The following RUBCN variants were observed in gnomAD, a reference collection of about 807,000 sequenced individuals.
RUBCN encodes the protein run domain Beclin-1-interacting and cysteine-rich domain-containing protein.
A neutral mutation model predicts 113.2 loss-of-function variants in RUBCN; 74 were observed. The ratio of observed to expected loss-of-function variants is 0.65; its 90% CI spans 0.54 to 0.79. The LOEUF (loss-of-function observed/expected upper bound fraction) is 0.79. RUBCN is among the 30% of genes least tolerant of loss of function. The pLI, the probability that RUBCN is intolerant of heterozygous loss-of-function variation, is 0.00. For missense variants in RUBCN, 1,109 were observed against 1,251.7 expected (o/e 0.89, Z 1.72); for synonymous variants, 480 against 490.0 (o/e 0.98, Z 0.27).
rs536601157 is a variant in RUBCN at position 197,700,932 on chromosome 3, G to A, written c.942C>T (p.Ser314=). The A allele has an allele frequency of 3.1e-6, 5 of 1,614,184 alleles. No individual in the cohort carries two copies. The Admixed American group carries it at 5.0e-5, about 16-fold the overall frequency. The stretch of plus-strand genomic sequence containing the variant: ...CAGGCCCCTCACTGGCATCACCTGG[G>A]GAATCATTCTGGCTGCTGACCCAGG... The part of the protein sequence containing the change: ...EASWVSSQND[S]PGDASEGPEY... Residue 314 remains serine (S), a synonymous_variant, in exon 7 of 20, where the codon TCC becomes TCT. Transcript: ENST00000296343.
rs941647895 is a variant in RUBCN at position 197,670,547 on chromosome 3, C to T, written c.*4471G>A. Reference sequence around the variant, plus strand: ...TCAAGCTTTGGCTTCCTGTGAACTACACCAGTTTGTAACAATGAACAAAAG... The same window carrying T: ...TCAAGCTTTGGCTTCCTGTGAACTATACCAGTTTGTAACAATGAACAAAAG... On this transcript the variant is annotated 3_prime_UTR_variant, in exon 20 of 20. Transcript: ENST00000296343. 2.0e-5 allele frequency among the ~76,000 whole-genome samples: 3 copies of T among 152,214 alleles called. No homozygotes were observed. Among genetic ancestry groups the T allele is most frequent in the African/African-American group, 7.2e-5 (3 of 41,466 alleles).
intron 11 of RUBCN, among the ~76,000 whole-genome samples, chr3:197,684,741 C>A (rs570756495): frequency 2.5e-4 from 38 of 151,570 alleles, no homozygotes; most frequent in African/African-American, 9.2e-4. Flanking sequence ...TATATATACA[C>A]ACACGTATAT....
chr3:197,735,019 TCA>T (rs771508379), intron 1 of RUBCN, among the ~76,000 whole-genome samples: 1 of 152,244 alleles, frequency 6.6e-6, no homozygotes, highest in Non-Finnish European at 1.5e-5. Flanking sequence ...TGATATTTTC[TCA>T]GAGGTAAATA....
At position 197,701,052 on chromosome 3, in the gene RUBCN, T is replaced by C. The variant is rs191663566; in HGVS notation, c.822A>G (p.Gln274=). 137 of 1,613,500 alleles carry C rather than the reference T, an allele frequency of 8.5e-5. No individual in the cohort carries two copies. The African/African-American group carries it at 1.6e-3, about 19-fold the overall frequency. Reference sequence around the variant, plus strand: ...GTGCAGAGACTGAAACTGGGGGGGCTTGGATGGTTTGATCCTCTGCTGGTG... The same window carrying C: ...GTGCAGAGACTGAAACTGGGGGGGCCTGGATGGTTTGATCCTCTGCTGGTG... ...HVSPAEDQTI[Q]APPVSVSALA... is the part of the protein sequence containing the mutation. Residue 274 remains glutamine, a synonymous_variant, in exon 7 of 20, where the codon CAA becomes CAG. Coordinates refer to ENST00000296343, the MANE Select transcript of RUBCN (RefSeq NM_014687.4).
intron 1 of RUBCN, among the ~76,000 whole-genome samples, chr3:197,720,580 G>C (rs1488437773): frequency 6.6e-6 from 1 of 152,038 alleles, no homozygotes; most frequent in Non-Finnish European, 1.5e-5. Context: ...GCTAATTTTT[G>C]TATTTTTAGT....
At chr3:197,699,396 GACCCATATT>G (rs762941695) in intron 7 of RUBCN, among the ~76,000 whole-genome samples, 8 of 152,214 alleles carry the variant, frequency 5.3e-5, no homozygotes, top group Non-Finnish European at 1.0e-4. Context: ...AGCTGTGCGT[GACCCATATT>G]TCCTCAGATC....
rs1044924854 is a variant in RUBCN at position 197,700,353 on chromosome 3, C to T, written c.1261+260G>A. 6 of 560,764 alleles carry T rather than the reference C, an allele frequency of 1.1e-5. No homozygotes were observed. The Admixed American group carries it at 2.0e-4, about 19-fold the overall frequency. The allele number at this position is 560,764 out of a possible 1,614,324, so 34.7% of individuals were successfully genotyped here. On this transcript the variant is annotated intron_variant, in intron 7 of 19. Coordinates refer to ENST00000296343, the MANE Select transcript of RUBCN (RefSeq NM_014687.4). ...TTGAAAACTCGCACTATGAGTCACG[C>T]TATCCTCTGATGTTACCAAACTAGT... is the stretch of plus-strand genomic sequence containing the variant.
At chr3:197,719,598 G>A (rs1033561693) in intron 1 of RUBCN, among the ~76,000 whole-genome samples, 1 of 151,792 alleles carries the variant, frequency 6.6e-6, no homozygotes, top group Non-Finnish European at 1.5e-5. Flanking sequence ...GAAACTTTGA[G>A]CATTCAGATC....
At chr3:197,728,801 G>A (rs1447763065) in intron 1 of RUBCN, among the ~76,000 whole-genome samples, 1 of 152,204 alleles carries the variant, frequency 6.6e-6, no homozygotes, top group Non-Finnish European at 1.5e-5. Context: ...CTCTAACAGA[G>A]AGGGGTGCCT....
In RUBCN at chr3:197,675,138, C is replaced by T. The variant is rs1188117482; in HGVS notation, c.2799G>A (p.Glu933=). Residue 933 remains glutamate (E), a synonymous_variant, in exon 20 of 20, where the codon GAG becomes GAA. Transcript: ENST00000296343. This position sits in a 1 kb window ranked among gnomAD's most constrained non-coding sequence, Gnocchi z 4.4. ...GTGCCTCCCGCCGGGCCTGCAGCCG[C>T]TCGCAGCGCGGACAGCTTCCAGACT... is the stretch of plus-strand genomic sequence containing the variant. ...CFKSGSCPRC[E]RLQARREALA... The T allele has an allele frequency of 1.9e-6, 3 of 1,613,940 alleles. No homozygotes were observed. The African/African-American group carries it at 4.0e-5, about 22-fold the overall frequency.
chr3:197,721,107 CATG>C (rs1726112355), intron 1 of RUBCN, among the ~76,000 whole-genome samples: 1 of 152,140 alleles, frequency 6.6e-6, no homozygotes, highest in Non-Finnish European at 1.5e-5. Flanking sequence ...GCTTTGGTAT[CATG>C]ATAATGTTGG....
rs1040725164 is a variant in RUBCN, at chr3:197,731,809, C to A, written c.65+4846G>T. On this transcript the variant is annotated intron_variant, in intron 1 of 19. Transcript: ENST00000296343. ...TGGCCGGGCGGGGGGCTGACCCCCC[C>A]ACCTCCCTCCGGGACAGGGCGGCTG... 5.9e-5 allele frequency among the ~76,000 whole-genome samples: 9 copies of A among 151,720 alleles called. No individual in the cohort carries two copies. The South Asian group carries it at 1.0e-3, about 18-fold the overall frequency.
intron 2 of RUBCN, among the ~76,000 whole-genome samples, chr3:197,711,093 G>A (rs1049526005): frequency 6.6e-6 from 1 of 152,170 alleles, no homozygotes; most frequent in Non-Finnish European, 1.5e-5. Context: ...CAAAGTACTG[G>A]GATTACAGGC....
chr3:197,691,120 G>T, intron 11 of RUBCN: 1 of 1,289,172 alleles, frequency 7.8e-7, no homozygotes, highest in Non-Finnish European at 1.0e-6. Flanking sequence ...TCTTTGATAT[G>T]TGAGTCAGGT....
At chr3:197,716,579 CTGGCTGTGGT>C (rs759955879) in intron 2 of RUBCN, among the ~76,000 whole-genome samples, 20 of 152,168 alleles carry the variant, frequency 1.3e-4, no homozygotes, top group Non-Finnish European at 2.4e-4. Context: ...GAAAAGCTTC[CTGGCTGTGGT>C]TGGCTAAGAC....
chr3:197,738,319 G>A (rs934175226), upstream of RUBCN, among the ~76,000 whole-genome samples: 1 of 152,180 alleles, frequency 6.6e-6, no homozygotes, highest in Non-Finnish European at 1.5e-5. Flanking sequence ...ACTGACTGTG[G>A]CAAGTGAGGG....
rs1721447464 is a variant in RUBCN, at chr3:197,683,179, A to G, written c.1980+128T>C. On this transcript the variant is annotated intron_variant, in intron 13 of 19. Coordinates refer to ENST00000296343, the MANE Select transcript of RUBCN (RefSeq NM_014687.4). The surrounding 1 kb of genome is among the most constrained non-coding windows in gnomAD (Gnocchi z 4.6). ...TTCATTTATCACTTGACACATTGTA[A>G]TGAATGGCTTCCACGAGTAAGGGGG... 1 of 1,163,216 alleles carries G rather than the reference A, an allele frequency of 8.6e-7. No individual in the cohort carries two copies. The highest frequency in any genetic ancestry group is 1.3e-6 in the Non-Finnish European group (1 of 770,874). 72.1% of individuals were successfully genotyped at this position (1,163,216 alleles called of 1,614,324 possible). A position where few individuals can be genotyped will look rare whatever the true frequency, so the allele number is the denominator to read the frequency against.
At chr3:197,725,940 T>C (rs565831635) in intron 1 of RUBCN, among the ~76,000 whole-genome samples, 32 of 152,238 alleles carry the variant, frequency 2.1e-4, no homozygotes, top group African/African-American at 7.2e-4. Flanking sequence ...TCACACACTA[T>C]TACAAACATG....
At position 197,683,415 on chromosome 3, in the gene RUBCN, C is replaced by A; in HGVS notation, c.1872G>T (p.Thr624=). Residue 624 remains threonine, a synonymous_variant, in exon 13 of 20, where the codon ACG becomes ACT. Coordinates refer to ENST00000296343, the MANE Select transcript of RUBCN (RefSeq NM_014687.4). This position sits in a 1 kb window ranked among gnomAD's most constrained non-coding sequence, Gnocchi z 4.6. ...GCCCCATGGCCACCGCCTCAGCAGA[C>A]GTGGAGTGCAGGAAGCAGTGGGAGC... ...QSFSHCFLHS[T]SAEAVAMGLL... 1.2e-6 allele frequency: 2 copies of A among 1,614,106 alleles called. No individual in the cohort carries two copies. Among genetic ancestry groups the A allele is most frequent in the Non-Finnish European group, 1.7e-6 (2 of 1,180,030 alleles).
Sources: allele counts gnomAD v4.1 joint callset (sites outside exome capture counted in the v4.1 genomes callset), GRCh38; gene constraint gnomAD v4.1.1; non-coding constraint Gnocchi (gnomAD v3.1); transcripts MANE v1.5; gene names NCBI Gene and HGNC (gene_info 2026-07-23, HGNC 2026-07-21).